The following CSMD1 variants were observed in gnomAD, a reference collection of about 807,000 sequenced individuals.
The protein encoded by CSMD1 is CUB and sushi domain-containing protein 1.
CSMD1 carries 213 observed loss-of-function variants against 417.5 expected under a neutral mutation model. The observed-to-expected ratio is 0.51, with a 90% CI of 0.46 to 0.57. The LOEUF (loss-of-function observed/expected upper bound fraction) is 0.57, where lower values mean the gene tolerates loss of function less well. Among genes scored for constraint, CSMD1 ranks in the 20% least tolerant of loss-of-function variants. The pLI, the probability that CSMD1 is intolerant of heterozygous loss-of-function variation, is 0.00. For synonymous variants in CSMD1, 2,862 were observed against 1,736.8 expected (o/e 1.65, Z -16.11); for missense variants, 6,923 against 4,529.7 (o/e 1.53, Z -15.17).
intron 3 of CSMD1, among the ~76,000 whole-genome samples, chr8:4,038,905 C>T (rs535900923): frequency 4.2e-4 from 64 of 152,204 alleles, no homozygotes; most frequent in African/African-American, 1.5e-3. Context: ...ACGAAAATTC[C>T]CTCCGTAACA....
chr8:3,577,082 G>A (rs930999145), intron 9 of CSMD1, among the ~76,000 whole-genome samples: 1 of 152,138 alleles, frequency 6.6e-6, no homozygotes, highest in Non-Finnish European at 1.5e-5. Flanking sequence ...TACTGACAAG[G>A]TGGGCTCAGC....
At chr8:3,329,855 C>G (rs915429743) in intron 23 of CSMD1, among the ~76,000 whole-genome samples, 2 of 152,204 alleles carry the variant, frequency 1.3e-5, no homozygotes, top group African/African-American at 4.8e-5. Flanking sequence ...GGCACAGTGC[C>G]TATGGCCCAC....
chr8:3,354,348 G>C (rs1808601531), intron 21 of CSMD1, among the ~76,000 whole-genome samples: 2 of 152,094 alleles, frequency 1.3e-5, no homozygotes, highest in South Asian at 4.1e-4. Context: ...AATTGTTGTG[G>C]GGCTTTTGAG....
At chr8:2,941,994 T>A (rs2128913304) in intron 69 of CSMD1, among the ~76,000 whole-genome samples, 1 of 152,346 alleles carries the variant, frequency 6.6e-6, no homozygotes, top group Admixed American at 6.5e-5. Flanking sequence ...ATTTATTCTC[T>A]TATTTCTTAG....
chr8:3,979,023 C>T (rs1457217177), intron 5 of CSMD1, among the ~76,000 whole-genome samples: 1 of 152,210 alleles, frequency 6.6e-6, no homozygotes, highest in East Asian at 1.9e-4. Context: ...AACAAAGATG[C>T]TGCACAACAC....
intron 15 of CSMD1, among the ~76,000 whole-genome samples, chr8:3,403,677 T>C (rs1420465205): frequency 6.6e-6 from 1 of 152,178 alleles, no homozygotes; most frequent in Non-Finnish European, 1.5e-5. Flanking sequence ...GAGAGTGTAG[T>C]GTTCACTTTA....
At chr8:4,059,525 A>C (rs1031639296) in intron 3 of CSMD1, among the ~76,000 whole-genome samples, 89 of 152,324 alleles carry the variant, frequency 5.8e-4, no homozygotes, top group African/African-American at 2.1e-3. Context: ...GAAAGGATCA[A>C]CAAAATTGAT....
intron 5 of CSMD1, among the ~76,000 whole-genome samples, chr8:3,870,452 T>C (rs1167845488): frequency 1.3e-5 from 2 of 152,186 alleles, no homozygotes; most frequent in Non-Finnish European, 2.9e-5. Flanking sequence ...TGTTGGTGGG[T>C]ATTTCTCTCA....
chr8:3,280,960 A>G (rs909415862), intron 26 of CSMD1, among the ~76,000 whole-genome samples: 5 of 152,208 alleles, frequency 3.3e-5, no homozygotes, highest in African/African-American at 1.2e-4. Flanking sequence ...TAAAACAGGA[A>G]GATTTTAAAA....
intron 25 of CSMD1, among the ~76,000 whole-genome samples, chr8:3,304,899 AAAG>A (rs1019688873): frequency 1.6e-4 from 24 of 152,202 alleles, no homozygotes; most frequent in African/African-American, 5.3e-4. Context: ...AATTCTTCTA[AAAG>A]AAGATAAATT....
At chr8:3,272,546 A>T (rs1376015774) in intron 26 of CSMD1, among the ~76,000 whole-genome samples, 1 of 138,162 alleles carries the variant, frequency 7.2e-6, no homozygotes, top group African/African-American at 2.8e-5. Context: ...CACGATATTG[A>T]TTCTTCCTAC....
chr8:4,186,913 C>G (rs1340001084), intron 3 of CSMD1, among the ~76,000 whole-genome samples: 3 of 151,850 alleles, frequency 2.0e-5, no homozygotes, highest in Non-Finnish European at 2.9e-5. Context: ...GGAGAATCAC[C>G]TGAACCCACG....
chr8:4,821,184 C>T (rs1188298357), intron 1 of CSMD1, among the ~76,000 whole-genome samples: 1 of 152,150 alleles, frequency 6.6e-6, no homozygotes, highest in Admixed American at 6.6e-5. Context: ...AATCACGTCA[C>T]TGTGACATTC....
At chr8:4,495,532 G>C (rs1424259881) in intron 2 of CSMD1, among the ~76,000 whole-genome samples, 1 of 151,930 alleles carries the variant, frequency 6.6e-6, no homozygotes, top group Admixed American at 6.6e-5. Flanking sequence ...CCAGTATCTC[G>C]CCACTGCACT....
intron 3 of CSMD1, among the ~76,000 whole-genome samples, chr8:4,312,638 A>G (rs1798694470): frequency 6.6e-6 from 1 of 151,432 alleles, no homozygotes; most frequent in Non-Finnish European, 1.5e-5. Flanking sequence ...ACACTTTGGG[A>G]GGCCGAGGTG....
At chr8:3,689,640 G>C (rs973256355) in intron 7 of CSMD1, among the ~76,000 whole-genome samples, 1 of 152,130 alleles carries the variant, frequency 6.6e-6, no homozygotes, top group East Asian at 1.9e-4. Flanking sequence ...CTATGTGGCA[G>C]GCCTGGTTCT....
chr8:3,796,554 G>C (rs570899710), intron 5 of CSMD1, among the ~76,000 whole-genome samples: 1 of 141,930 alleles, frequency 7.0e-6, no homozygotes, highest in African/African-American at 2.6e-5. Flanking sequence ...ATCCATACAT[G>C]ATAGATATAT....
chr8:4,293,652 T>C (rs1453710162), intron 3 of CSMD1, among the ~76,000 whole-genome samples: 2 of 152,196 alleles, frequency 1.3e-5, no homozygotes, highest in African/African-American at 4.8e-5. Flanking sequence ...AGCAGTCTCT[T>C]ATAAACCACC....
At chr8:4,329,216 T>A (rs1799728258) in intron 3 of CSMD1, among the ~76,000 whole-genome samples, 2 of 152,198 alleles carry the variant, frequency 1.3e-5, no homozygotes, top group African/African-American at 2.4e-5. Context: ...ATACAAATTA[T>A]TTGGACCTTA....
Sources: gnomAD v4.1 joint callset for allele counts (sites outside exome capture counted in the v4.1 genomes callset) on GRCh38, gnomAD v4.1.1 for gene constraint, MANE v1.5 for transcripts, NCBI Gene and HGNC (gene_info 2026-07-23, HGNC 2026-07-21) for gene names.